SAXO1: variants seen among roughly 807,000 people sequenced by gnomAD.
The protein encoded by SAXO1 is stabilizer of axonemal microtubules 1, also known as 4930500O09Rik.
Under a neutral mutation model 17.5 loss-of-function variants are expected in SAXO1, and 21 were observed. That is an observed-to-expected ratio of 1.20 (90% CI 0.85 to 1.72). The LOEUF (loss-of-function observed/expected upper bound fraction) is 1.72. Among genes scored for constraint, SAXO1 ranks in the 40% most tolerant of loss-of-function variants. The probability of loss-of-function intolerance (pLI) is 0.00; values close to 1 mark genes in which losing one functional copy is unlikely to be tolerated. For missense variants in SAXO1, 843 were observed against 596.0 expected (o/e 1.41, Z -4.32); for synonymous variants, 274 against 216.5 (o/e 1.27, Z -2.33).
chr9:18,938,551 CA>C, intron 3 of SAXO1, among the ~76,000 whole-genome samples: 1 of 152,098 alleles, frequency 6.6e-6, no homozygotes, highest in East Asian at 1.9e-4. Flanking sequence ...GCTAAACCAT[CA>C]AAAACCGCCC....
intron 1 of SAXO1, chr9:19,027,169 C>T (rs992837335): frequency 5.0e-6 from 6 of 1,194,636 alleles, no homozygotes; most frequent in Middle Eastern, 2.0e-4. Context: ...GAGGATGGTC[C>T]AAATATTGAC....
upstream of SAXO1, among the ~76,000 whole-genome samples, chr9:19,037,839 A>G (rs905454039): frequency 3.3e-5 from 5 of 152,196 alleles, no homozygotes; most frequent in African/African-American, 4.8e-5. Flanking sequence ...TGTCTCTTAC[A>G]ACTGACATAA....
chr9:18,941,808 C>T lies in SAXO1; in HGVS notation c.250G>A (p.Val84Met), dbSNP rs765575872. Residue 84 changes from valine (V) to methionine (M), a missense_variant, in exon 3 of 4, where the codon GTG becomes ATG. By Grantham distance (21) the Val-to-Met change is conservative. Transcript: ENST00000380534. ...AACTGGTCATACTGGTGGACCTTCA[C>T]TGGTGCCACTTTGTGAGGCCCAAAA... ...RDFGPHKVAPVKVHQYDQFVP... is the reference protein window; with the variant it reads ...RDFGPHKVAPMKVHQYDQFVP... 4.3e-6 allele frequency: 7 copies of T among 1,614,108 alleles called. No individual in the cohort carries two copies. The highest frequency in any genetic ancestry group is 4.5e-5 in the East Asian group (2 of 44,900).
chr9:18,931,315 T>A (rs1831040113), intron 3 of SAXO1, among the ~76,000 whole-genome samples: 1 of 152,228 alleles, frequency 6.6e-6, no homozygotes, highest in African/African-American at 2.4e-5. Flanking sequence ...TGTAATGTAA[T>A]TGAGGTTCAT....
chr9:18,932,495 T>C (rs990955822), intron 3 of SAXO1, among the ~76,000 whole-genome samples: 1 of 152,258 alleles, frequency 6.6e-6, no homozygotes, highest in Non-Finnish European at 1.5e-5. Context: ...TTTTCAAAAA[T>C]ACTTTCAGCT....
intron 1 of SAXO1, among the ~76,000 whole-genome samples, chr9:19,012,909 A>G (rs1166086484): frequency 6.6e-6 from 1 of 152,204 alleles, no homozygotes; most frequent in African/African-American, 2.4e-5. Context: ...ACAGAAATCA[A>G]GATTCTGCAC....
At chr9:19,043,033 ATGG>A (rs1294581946) in intron 1 of SAXO1, among the ~76,000 whole-genome samples, 6 of 152,048 alleles carry the variant, frequency 3.9e-5, no homozygotes, top group Non-Finnish European at 1.5e-5. Context: ...TTAGTCAGGC[ATGG>A]TGGTACACAC....
At chr9:19,015,461 C>T (rs1336793626) in intron 1 of SAXO1, among the ~76,000 whole-genome samples, 1 of 152,096 alleles carries the variant, frequency 6.6e-6, no homozygotes, top group Non-Finnish European at 1.5e-5. Flanking sequence ...CTCATGCCTC[C>T]ACTTCCCAAG....
intron 1 of SAXO1, among the ~76,000 whole-genome samples, chr9:18,960,796 T>C (rs1163350052): frequency 2.2e-5 from 1 of 45,990 alleles, no homozygotes; most frequent in Non-Finnish European, 4.2e-5. Flanking sequence ...AAAAAAAAAT[T>C]GCTGAATTAA....
intron 1 of SAXO1, among the ~76,000 whole-genome samples, chr9:18,965,480 C>A (rs201556544): frequency 7.9e-5 from 12 of 152,218 alleles, no homozygotes; most frequent in African/African-American, 2.9e-4. Context: ...CTTCTTGTTG[C>A]ATTGATCCCT....
At chr9:18,977,993 CAAAAAAAAAAAAA>C (rs371914686) in intron 1 of SAXO1, among the ~76,000 whole-genome samples, 1,612 of 98,550 alleles carry the variant, frequency 0.016, 57 homozygotes, top group African/African-American at 0.051. Flanking sequence ...GAGACCCTGC[CAAAAAAAAAAAAA>C]AAAAAAAAAA....
chr9:18,948,487 T>C (rs77449116), intron 2 of SAXO1, among the ~76,000 whole-genome samples: 2,564 of 152,290 alleles, frequency 0.017, 79 homozygotes, highest in African/African-American at 0.059. Context: ...TTTAGCCACA[T>C]TTGATGTACA....
chr9:19,042,450 C>T (rs1476147656), intron 1 of SAXO1, among the ~76,000 whole-genome samples: 1 of 152,124 alleles, frequency 6.6e-6, no homozygotes, highest in African/African-American at 2.4e-5. Flanking sequence ...GGGTATATAC[C>T]CAAAAGAAAG....
chr9:19,021,599 G>A (rs946121843), intron 1 of SAXO1, among the ~76,000 whole-genome samples: 1 of 152,194 alleles, frequency 6.6e-6, no homozygotes, highest in Admixed American at 6.5e-5. Context: ...ACAGTCTAGA[G>A]ATATTCAAGG....
At chr9:19,031,741 G>C (rs1290956743) in intron 1 of SAXO1, among the ~76,000 whole-genome samples, 2 of 152,162 alleles carry the variant, frequency 1.3e-5, no homozygotes, top group African/African-American at 4.8e-5. Context: ...TTAGACAGTT[G>C]ACAGGGCCCA....
At chr9:18,929,536 G>T in intron 3 of SAXO1, among the ~76,000 whole-genome samples, 1 of 152,200 alleles carries the variant, frequency 6.6e-6, no homozygotes, top group East Asian at 1.9e-4. Flanking sequence ...TGGAGTGACA[G>T]CCCACTGTGT....
intron 1 of SAXO1, among the ~76,000 whole-genome samples, chr9:19,030,414 A>T (rs55861008): frequency 0.058 from 8,846 of 152,292 alleles, 284 homozygotes; most frequent in African/African-American, 0.082. Flanking sequence ...GACTTTAGAA[A>T]AGAGTCAATG....
intron 1 of SAXO1, among the ~76,000 whole-genome samples, chr9:19,009,986 C>G (rs930740446): frequency 6.6e-6 from 1 of 152,200 alleles, no homozygotes. Context: ...ACCACCACAT[C>G]TGGCTAATTT....
At chr9:19,011,317 G>T (rs1171574918) in intron 1 of SAXO1, among the ~76,000 whole-genome samples, 1 of 152,120 alleles carries the variant, frequency 6.6e-6, no homozygotes, top group Non-Finnish European at 1.5e-5. Flanking sequence ...AACGAGGGAG[G>T]CAAGAATGGG....
Sources: gnomAD v4.1 joint callset for allele counts (sites outside exome capture counted in the v4.1 genomes callset) on GRCh38, gnomAD v4.1.1 for gene constraint, MANE v1.5 for transcripts, NCBI Gene and HGNC (gene_info 2026-07-23, HGNC 2026-07-21) for gene names.